Variants in LRBA observed in about 807,000 individuals in gnomAD.
The protein encoded by LRBA is lipopolysaccharide-responsive and beige-like anchor protein.
LRBA carries 176 observed loss-of-function variants against 330.0 expected under a neutral mutation model. The ratio of observed to expected loss-of-function variants is 0.53; its 90% CI spans 0.47 to 0.60. LRBA has a LOEUF of 0.60. Ranked by LOEUF, LRBA falls within the 20% of genes least tolerant of loss-of-function variation. The pLI is 0.00. For synonymous variants in LRBA, 1,230 were observed against 1,193.0 expected (o/e 1.03, Z -0.64); for missense variants, 3,259 against 3,444.8 (o/e 0.95, Z 1.35).
At chr4:150,276,521 TC>T (rs2126735405) in intron 56 of LRBA, among the ~76,000 whole-genome samples, 1 of 152,236 alleles carries the variant, frequency 6.6e-6, no homozygotes, top group African/African-American at 2.4e-5. Flanking sequence ...ATTTTTGCAA[TC>T]TATCCAACTG....
chr4:150,924,184 G>T (rs376111721), intron 4 of LRBA, among the ~76,000 whole-genome samples: 4 of 152,138 alleles, frequency 2.6e-5, no homozygotes, highest in Admixed American at 6.6e-5. Flanking sequence ...CATTGCTGGG[G>T]GAGTGTATAC....
intron 37 of LRBA, among the ~76,000 whole-genome samples, chr4:150,607,651 T>C (rs914071460): frequency 5.3e-5 from 8 of 151,776 alleles, no homozygotes; most frequent in African/African-American, 1.9e-4. Flanking sequence ...CCTGTAATCC[T>C]AGCACTTTGG....
intron 35 of LRBA, among the ~76,000 whole-genome samples, chr4:150,744,973 A>T (rs1414109972): frequency 1.3e-5 from 2 of 152,212 alleles, no homozygotes; most frequent in Non-Finnish European, 2.9e-5. Context: ...CCACCCCTGA[A>T]GAAGAAGTAA....
intron 2 of LRBA, among the ~76,000 whole-genome samples, chr4:150,979,481 CA>C (rs1231668938): frequency 9.9e-5 from 15 of 152,166 alleles, no homozygotes; most frequent in African/African-American, 3.1e-4. Context: ...CAACAGTAAG[CA>C]TACAGAAAAA....
intron 2 of LRBA, among the ~76,000 whole-genome samples, chr4:150,988,487 A>G (rs1018747853): frequency 5.3e-5 from 8 of 152,214 alleles, no homozygotes; most frequent in African/African-American, 1.9e-4. Flanking sequence ...GAAAAAATGC[A>G]AGAATGTTGA....
At chr4:150,364,310 A>G (rs1739127323) in intron 47 of LRBA, among the ~76,000 whole-genome samples, 1 of 152,242 alleles carries the variant, frequency 6.6e-6, no homozygotes. Context: ...TTTATGCTAA[A>G]TGTTTTACAT....
chr4:150,532,107 A>G (rs1178139498), intron 40 of LRBA, among the ~76,000 whole-genome samples: 4 of 152,268 alleles, frequency 2.6e-5, no homozygotes, highest in Admixed American at 6.5e-5. Flanking sequence ...TCATCTCCCA[A>G]TTGGAGCTTG....
intron 36 of LRBA, among the ~76,000 whole-genome samples, chr4:150,708,089 G>A (rs1321251954): frequency 2.0e-5 from 3 of 151,704 alleles, no homozygotes; most frequent in Non-Finnish European, 4.4e-5. Context: ...TCTGGAAACA[G>A]GTATCAAGGC....
At chr4:150,839,250 G>A (rs200307843) in intron 28 of LRBA, among the ~76,000 whole-genome samples, 33 of 152,332 alleles carry the variant, frequency 2.2e-4, no homozygotes, top group Non-Finnish European at 3.5e-4. Context: ...AGGTGCTGGA[G>A]AGGATGTGGA....
At chr4:150,835,413 G>T (rs1355899601) in intron 28 of LRBA, among the ~76,000 whole-genome samples, 2 of 152,146 alleles carry the variant, frequency 1.3e-5, no homozygotes, top group African/African-American at 2.4e-5. Context: ...CCATTTTCAT[G>T]ATATTGATTC....
At chr4:150,460,165 A>C (rs538673481) in intron 44 of LRBA, among the ~76,000 whole-genome samples, 84 of 151,968 alleles carry the variant, frequency 5.5e-4, no homozygotes, top group African/African-American at 2.0e-3. Context: ...TTAAAACTTA[A>C]AGAGATAAAG....
At chr4:150,953,559 T>G (rs1224316027) in intron 2 of LRBA, among the ~76,000 whole-genome samples, 2 of 151,466 alleles carry the variant, frequency 1.3e-5, no homozygotes, top group Non-Finnish European at 2.9e-5. Context: ...GAGACAGGGT[T>G]TCGCCGTGTT....
At chr4:150,674,459 T>C (rs1420698764) in intron 37 of LRBA, among the ~76,000 whole-genome samples, 1 of 152,028 alleles carries the variant, frequency 6.6e-6, no homozygotes, top group Non-Finnish European at 1.5e-5. Context: ...TTTATTCCAC[T>C]GCAAAACAGA....
intron 44 of LRBA, among the ~76,000 whole-genome samples, chr4:150,461,986 G>C (rs772271924): frequency 3.3e-5 from 5 of 151,614 alleles, no homozygotes; most frequent in Non-Finnish European, 7.4e-5. Context: ...AGGAAGCCCT[G>C]GTACTGAAAA....
chr4:150,744,627 C>T (rs980042125), intron 35 of LRBA, among the ~76,000 whole-genome samples: 38 of 152,272 alleles, frequency 2.5e-4, no homozygotes, highest in Middle Eastern at 3.4e-3. Context: ...ACATTATAGA[C>T]TAGGCTAAGC....
chr4:150,303,249 A>C (rs1729902305), intron 52 of LRBA, among the ~76,000 whole-genome samples: 1 of 152,250 alleles, frequency 6.6e-6, no homozygotes, highest in Non-Finnish European at 1.5e-5. Context: ...TGATTTACTG[A>C]AGATTTAATG....
chr4:150,686,601 C>A (rs889130073), intron 36 of LRBA, among the ~76,000 whole-genome samples: 1 of 152,034 alleles, frequency 6.6e-6, no homozygotes, highest in Admixed American at 6.6e-5. Flanking sequence ...ACAAATAGTA[C>A]GAAATGACAG....
At position 150,817,189 on chromosome 4, in the gene LRBA, T is replaced by C. The variant is rs1578877639; in HGVS notation, c.5240A>G (p.Asn1747Ser). 3.1e-6 allele frequency: 5 copies of C among 1,611,968 alleles called. No individual in the cohort carries two copies. The highest frequency in any genetic ancestry group is 3.4e-6 in the Non-Finnish European group (4 of 1,178,452). The stretch of plus-strand genomic sequence containing the variant: ...TACTGAGGAAACCACACTGACAGCA[T>C]TGGTAGGTATGCTTGTATTAAAGGT... ...PSTFNTSIPT[N>S]AVSVVSSVDS... Residue 1747 changes from asparagine (N) to serine (S), a missense_variant, in exon 31 of 57, where the codon AAT becomes AGT. Coordinates refer to ENST00000651943, the MANE Select transcript of LRBA (RefSeq NM_001364905.1).
intron 36 of LRBA, among the ~76,000 whole-genome samples, chr4:150,709,474 G>A (rs1582111990): frequency 6.6e-6 from 1 of 151,886 alleles, no homozygotes; most frequent in Non-Finnish European, 1.5e-5. Context: ...GCTAATAATA[G>A]GCTGAAAATA....
Sources: allele counts gnomAD v4.1 joint callset (sites outside exome capture counted in the v4.1 genomes callset), GRCh38; gene constraint gnomAD v4.1.1; transcripts MANE v1.5; gene names NCBI Gene and HGNC (gene_info 2026-07-23, HGNC 2026-07-21).